Variants in CALD1 observed in about 807,000 individuals in gnomAD.
CALD1 encodes caldesmon.
Under a neutral mutation model 99.9 loss-of-function variants are expected in CALD1, and 33 were observed. The observed-to-expected ratio is 0.33, with a 90% CI of 0.25 to 0.44. CALD1 has a LOEUF of 0.44. Ranked by LOEUF, CALD1 falls within the 20% of genes least tolerant of loss-of-function variation. The pLI, the probability that CALD1 is intolerant of heterozygous loss-of-function variation, is 1.00. For synonymous variants in CALD1, 310 were observed against 325.0 expected, an observed-to-expected ratio of 0.95 and a Z score of 0.50; for missense variants, 861 against 962.1, an observed-to-expected ratio of 0.89 and a Z score of 1.39.
intron 6 of CALD1, among the ~76,000 whole-genome samples, chr7:134,939,327 G>A (rs2133042811): frequency 6.6e-6 from 1 of 152,266 alleles, no homozygotes; most frequent in East Asian, 1.9e-4. Flanking sequence ...GAATCATCTG[G>A]TCCAACCGCA....
intron 1 of CALD1, among the ~76,000 whole-genome samples, chr7:134,823,258 A>T (rs1229524545): frequency 6.6e-6 from 1 of 152,224 alleles, no homozygotes. Flanking sequence ...TACATGGTTC[A>T]TTTTGACCGT....
chr7:134,773,101 T>G (rs986298395), intron 1 of CALD1, among the ~76,000 whole-genome samples: 3 of 152,246 alleles, frequency 2.0e-5, no homozygotes, highest in African/African-American at 7.2e-5. Context: ...GAAACTTGTA[T>G]CCTTTAGTTT....
chr7:134,737,519 T>C, the CALD1 span, among the ~76,000 whole-genome samples: 1 of 152,224 alleles, frequency 6.6e-6, no homozygotes, highest in Non-Finnish European at 1.5e-5. Flanking sequence ...TTTTTGGTCA[T>C]GGTATTGTTT....
At chr7:134,851,217 C>A (rs531263378) in intron 2 of CALD1, among the ~76,000 whole-genome samples, 24 of 152,232 alleles carry the variant, frequency 1.6e-4, no homozygotes, top group Non-Finnish European at 2.8e-4. Context: ...CCTCTTTGGT[C>A]CTTTAAGCTA....
At chr7:134,882,726 T>A (rs747898656) in intron 3 of CALD1, among the ~76,000 whole-genome samples, 1 of 152,340 alleles carries the variant, frequency 6.6e-6, no homozygotes, top group Non-Finnish European at 1.5e-5. Context: ...TCAACATTCT[T>A]TCTGATAATA....
At chr7:134,736,375 C>T in the CALD1 span, among the ~76,000 whole-genome samples, 1 of 152,184 alleles carries the variant, frequency 6.6e-6, no homozygotes, top group African/African-American at 2.4e-5. Flanking sequence ...AAAATGTACA[C>T]ACACGAACAT....
At chr7:134,910,490 A>T (rs73728003) in intron 3 of CALD1, among the ~76,000 whole-genome samples, 5,075 of 152,250 alleles carry the variant, frequency 0.033, 258 homozygotes, top group African/African-American at 0.12. Flanking sequence ...GTGAAAAGAG[A>T]AAGAATATAA....
chr7:134,882,253 G>C lies in CALD1; in HGVS notation c.71+14449G>C, dbSNP rs1465848801. ...CACTGACACCATCAATGCCTCTCCT[G>C]GGGTTTCATCACTTCTCTGCTGAGC... On this transcript the variant is annotated intron_variant, in intron 3 of 14. Coordinates refer to ENST00000361675, the MANE Select transcript of CALD1 (RefSeq NM_033138.4). Among the ~76,000 whole-genome samples the C allele has an allele frequency of 2.0e-5, 3 of 152,288 alleles. No individual in the cohort carries two copies. The East Asian group carries it at 5.8e-4, about 29-fold the overall frequency.
At chr7:134,864,805 TC>T in intron 2 of CALD1, among the ~76,000 whole-genome samples, 1 of 152,306 alleles carries the variant, frequency 6.6e-6, no homozygotes, top group South Asian at 2.1e-4. Flanking sequence ...CACAGACATA[TC>T]CATAGGTAAT....
chr7:134,875,751 T>C (rs1015812159), intron 3 of CALD1, among the ~76,000 whole-genome samples: 1 of 152,260 alleles, frequency 6.6e-6, no homozygotes, highest in Non-Finnish European at 1.5e-5. Context: ...ACAAAGACTA[T>C]TGTGCCTAGT....
At chr7:134,813,131 G>A (rs777821869) in intron 1 of CALD1, among the ~76,000 whole-genome samples, 2 of 152,196 alleles carry the variant, frequency 1.3e-5, no homozygotes, top group Non-Finnish European at 2.9e-5. Context: ...TGGCAATGTA[G>A]AAATATTGAT....
chr7:134,723,212 T>A, the CALD1 span, among the ~76,000 whole-genome samples: 1 of 152,204 alleles, frequency 6.6e-6, no homozygotes, highest in South Asian at 2.1e-4. Context: ...TCGAGGCATA[T>A]CACAGATTAA....
At chr7:134,954,350 C>T (rs1210396062) in intron 9 of CALD1, among the ~76,000 whole-genome samples, 2 of 152,140 alleles carry the variant, frequency 1.3e-5, no homozygotes, top group Admixed American at 6.5e-5. Flanking sequence ...TTTTCTAAAA[C>T]GAATGGTGTG....
intron 1 of CALD1, among the ~76,000 whole-genome samples, chr7:134,841,607 A>T (rs996739143): frequency 4.6e-5 from 7 of 152,222 alleles, no homozygotes; most frequent in Admixed American, 3.3e-4. Context: ...CTAGCAAAAA[A>T]GGGAGTGGGG....
chr7:134,890,036 G>A (rs371639237), intron 3 of CALD1, among the ~76,000 whole-genome samples: 19 of 152,218 alleles, frequency 1.2e-4, no homozygotes, highest in African/African-American at 4.6e-4. Context: ...AGCCTCCCAA[G>A]TAGCTGGGAC....
chr7:134,765,710 G>A (rs1796819583), intron 1 of CALD1, among the ~76,000 whole-genome samples: 1 of 152,156 alleles, frequency 6.6e-6, no homozygotes, highest in South Asian at 2.1e-4. Flanking sequence ...CGGATCATGG[G>A]GATGGATTTC....
rs3800704 is a variant in CALD1 at position 134,783,555 on chromosome 7, C to T, written c.-130+3806C>T. Among the ~76,000 whole-genome samples the T allele has an allele frequency of 5.3e-5, 8 of 151,880 alleles. No homozygotes were observed. The highest frequency in any genetic ancestry group is 3.9e-4 in the East Asian group (2 of 5,116). ...CAGGCTGTGGGTAAGGCTATGGGAGCGGGGTCGGGGGGAAACTATGACCTG... is the reference window on the plus strand; with the variant it reads ...CAGGCTGTGGGTAAGGCTATGGGAGTGGGGTCGGGGGGAAACTATGACCTG... On this transcript the variant is annotated intron_variant, in intron 1 of 14. Transcript: ENST00000361675. This position sits in a 1 kb window ranked among gnomAD's most constrained non-coding sequence, Gnocchi z 4.3.
chr7:134,873,205 A>AAAAC (rs1491496738), intron 3 of CALD1, among the ~76,000 whole-genome samples: 12 of 72,116 alleles, frequency 1.7e-4, no homozygotes, highest in South Asian at 1.1e-3. Context: ...CAAACAAAAC[A>AAAAC]AAAAAAACCC....
chr7:134,801,778 CT>C (rs1322290866), intron 1 of CALD1, among the ~76,000 whole-genome samples: 1 of 134,362 alleles, frequency 7.4e-6, no homozygotes, highest in African/African-American at 2.9e-5. Context: ...ACCACTACGC[CT>C]GCTAAATTCG....
Sources: gnomAD v4.1 joint callset for allele counts (sites outside exome capture counted in the v4.1 genomes callset) on GRCh38, gnomAD v4.1.1 for gene constraint, Gnocchi (gnomAD v3.1) non-coding constraint, MANE v1.5 for transcripts, NCBI Gene and HGNC (gene_info 2026-07-23, HGNC 2026-07-21) for gene names.